TAPT1: variants seen among roughly 807,000 people sequenced by gnomAD.
TAPT1 encodes transmembrane anterior posterior transformation 1, also known as transmembrane anterior posterior transformation protein 1 homolog.
TAPT1 carries 28 observed loss-of-function variants against 65.6 expected under a neutral mutation model. The ratio of observed to expected loss-of-function variants is 0.43; its 90% confidence interval spans 0.32 to 0.59. The LOEUF (loss-of-function observed/expected upper bound fraction) is 0.59, where lower values mean the gene tolerates loss of function less well. Among genes scored for constraint, TAPT1 ranks in the 20% least tolerant of loss-of-function variants. The pLI is 0.09. For synonymous variants in TAPT1, 278 were observed against 245.2 expected (o/e 1.13, Z -1.25); for missense variants, 563 against 679.9 (o/e 0.83, Z 1.91).
chr4:16,171,758 G>T (rs935200638), intron 11 of TAPT1, among the ~76,000 whole-genome samples: 1 of 152,050 alleles, frequency 6.6e-6, no homozygotes, highest in Non-Finnish European at 1.5e-5. Context: ...ATGACTCCAG[G>T]ATTTTATTCA....
chr4:16,164,473 C>A (rs537522940), intron 13 of TAPT1, among the ~76,000 whole-genome samples: 4 of 152,330 alleles, frequency 2.6e-5, no homozygotes, highest in African/African-American at 9.6e-5. Context: ...GGTCGTCATC[C>A]TGAATGTACT....
chr4:16,214,400 GC>G (rs1445493239), intron 1 of TAPT1: 1 of 152,170 alleles, frequency 6.6e-6, no homozygotes, highest in Non-Finnish European at 1.5e-5. Context: ...TCTAAATAAT[GC>G]CATTTCCCTA....
chr4:16,186,426 G>A (rs1425406689), intron 7 of TAPT1, 109 bp downstream of exon 7: 2 of 666,376 alleles, frequency 3.0e-6, no homozygotes, highest in Admixed American at 3.2e-5. Context: ...ATAAGAGAAG[G>A]TACAGTTTAA....
In TAPT1 at chr4:16,160,650, C is replaced by A. The variant is rs1747204817; in HGVS notation, c.*2658G>T. 6.6e-6 allele frequency: 1 copy of A among 152,182 alleles called. No homozygotes were observed. The highest frequency in any genetic ancestry group is 6.5e-5 in the Admixed American group (1 of 15,274). The allele number at this position is 152,182 out of a possible 1,614,324, so 9.4% of individuals were successfully genotyped here. On this transcript the variant is annotated 3_prime_UTR_variant, in exon 14 of 14. Coordinates refer to ENST00000405303, the MANE Select transcript of TAPT1 (RefSeq NM_153365.3). ...GAACAGGGACTTATCTTGCTCATTG[C>A]TGATCCCACCACTTAGAACAGTTTC...
At chr4:16,164,332 T>C (rs867078003) in intron 13 of TAPT1, among the ~76,000 whole-genome samples, 15 of 152,192 alleles carry the variant, frequency 9.9e-5, no homozygotes, top group South Asian at 4.1e-4. Context: ...TTGTCTCTTT[T>C]ACAACGTGAT....
In TAPT1 at chr4:16,208,510, T is replaced by C. The variant is rs184257474; in HGVS notation, c.330+5258A>G. Among the ~76,000 whole-genome samples, 55 of 152,320 alleles carry C rather than the reference T, an allele frequency of 3.6e-4. No homozygotes were observed. The East Asian group carries it at 0.01, about 28-fold the overall frequency. On this transcript the variant is annotated intron_variant, in intron 2 of 13. Coordinates refer to ENST00000405303, the MANE Select transcript of TAPT1 (RefSeq NM_153365.3). ...AAAGGCATAGTCAAAAAAGTGGCAA[T>C]GCCCACCCCATTTCTTTGTTTATAA...
chr4:16,186,924 T>C (rs1749055881), intron 5 of TAPT1, 46 bp from the exon 6 acceptor site: 22 of 996,400 alleles, frequency 2.2e-5, no homozygotes, highest in Non-Finnish European at 3.2e-5. Flanking sequence ...TTCATATTAT[T>C]ACTGATAATA....
rs368575744 is a variant in TAPT1 at position 16,160,928 on chromosome 4, C to T, written c.*2380G>A. On this transcript the variant is annotated 3_prime_UTR_variant, in exon 14 of 14. Coordinates refer to ENST00000405303, the MANE Select transcript of TAPT1 (RefSeq NM_153365.3). Reference sequence around the variant, plus strand: ...GCGTATCAGTGACACTTGGTCTTTACACTTATTCTAAAGGAAAACCTAATA... The same window carrying T: ...GCGTATCAGTGACACTTGGTCTTTATACTTATTCTAAAGGAAAACCTAATA... 5 of 152,628 alleles carry T rather than the reference C, an allele frequency of 3.3e-5. No individual in the cohort carries two copies. In the South Asian group the frequency reaches 6.2e-4, roughly 19 times the overall value. 9.5% of individuals were successfully genotyped at this position (152,628 alleles called of 1,614,324 possible). A position where few individuals can be genotyped will look rare whatever the true frequency, so the allele number is the denominator to read the frequency against.
At chr4:16,209,792 C>T (rs1750555657) in intron 2 of TAPT1, among the ~76,000 whole-genome samples, 1 of 152,188 alleles carries the variant, frequency 6.6e-6, no homozygotes, top group South Asian at 2.1e-4. Flanking sequence ...GGATTGAACG[C>T]AAACACATGT....
intron 3 of TAPT1, among the ~76,000 whole-genome samples, chr4:16,199,649 T>C (rs1408519646): frequency 6.6e-6 from 1 of 152,128 alleles, no homozygotes; most frequent in Admixed American, 6.6e-5. Flanking sequence ...TGGAATGCAG[T>C]GGTGCAATCA....
At chr4:16,223,738 T>C (rs554476035) in intron 1 of TAPT1, among the ~76,000 whole-genome samples, 1 of 152,278 alleles carries the variant, frequency 6.6e-6, no homozygotes, top group African/African-American at 2.4e-5. Flanking sequence ...AATATACATA[T>C]CTAGTTTCTA....
intron 4 of TAPT1, chr4:16,190,619 T>G (rs1680830082): frequency 6.5e-6 from 1 of 153,984 alleles, no homozygotes; most frequent in Admixed American, 6.5e-5. Flanking sequence ...GGATTACAGG[T>G]GTGAGCCACC....
chr4:16,174,964 G>C lies in TAPT1; in HGVS notation c.1108-235C>G, dbSNP rs1041140748. 6 of 321,566 alleles carry C rather than the reference G, an allele frequency of 1.9e-5. No individual in the cohort carries two copies. In the South Asian group the frequency reaches 4.4e-4, roughly 24 times the overall value. The allele number at this position is 321,566 out of a possible 1,614,324, so 19.9% of individuals were successfully genotyped here. The stretch of plus-strand genomic sequence containing the variant: ...CTTCTAAAGGTTTTTCTTTAAAGGG[G>C]AATAAATATCCAACGACTATGATCC... On this transcript the variant is annotated intron_variant, in intron 9 of 13. Transcript: ENST00000405303.
At chr4:16,207,627 T>C (rs1370720887) in intron 2 of TAPT1, among the ~76,000 whole-genome samples, 2 of 152,210 alleles carry the variant, frequency 1.3e-5, no homozygotes, top group Non-Finnish European at 2.9e-5. Flanking sequence ...CCAAGAGAGA[T>C]CTGATGCCTT....
At chr4:16,180,737 G>A (rs1345381721) in intron 7 of TAPT1, among the ~76,000 whole-genome samples, 1 of 152,062 alleles carries the variant, frequency 6.6e-6, no homozygotes, top group African/African-American at 2.4e-5. Flanking sequence ...TTTATTCTCT[G>A]TACCTTCCCT....
chr4:16,194,726 T>A (rs911663847), intron 3 of TAPT1, among the ~76,000 whole-genome samples: 1 of 152,202 alleles, frequency 6.6e-6, no homozygotes, highest in African/African-American at 2.4e-5. Context: ...CCCCCTGCTC[T>A]GGTGGAAGCG....
At chr4:16,196,021 T>C (rs1749687988) in intron 3 of TAPT1, among the ~76,000 whole-genome samples, 1 of 152,230 alleles carries the variant, frequency 6.6e-6, no homozygotes, top group Non-Finnish European at 1.5e-5. Flanking sequence ...TTTTCAGCCA[T>C]TTGTGGTATA....
intron 3 of TAPT1, among the ~76,000 whole-genome samples, chr4:16,200,583 C>T (rs997711710): frequency 4.6e-5 from 7 of 152,206 alleles, no homozygotes; most frequent in Non-Finnish European, 1.0e-4. Context: ...ACCTTGGCCT[C>T]CCAAAGTGCT....
At chr4:16,218,154 T>C (rs1446958705) in intron 1 of TAPT1, among the ~76,000 whole-genome samples, 1 of 152,204 alleles carries the variant, frequency 6.6e-6, no homozygotes, top group Non-Finnish European at 1.5e-5. Flanking sequence ...CGTAATCCCA[T>C]CAATTTTGGG....
Sources: allele counts gnomAD v4.1 joint callset (sites outside exome capture counted in the v4.1 genomes callset), GRCh38; gene constraint gnomAD v4.1.1; transcripts MANE v1.5; gene names NCBI Gene and HGNC (gene_info 2026-07-23, HGNC 2026-07-21).